Variants in STRN3 observed in about 807,000 individuals in gnomAD.
STRN3 encodes the protein striatin 3.
In STRN3, 29 loss-of-function variants were observed where a neutral mutation model predicts 95.6. That is an observed-to-expected ratio of 0.30 (90% CI 0.23 to 0.41). The LOEUF (loss-of-function observed/expected upper bound fraction) is 0.41. Ranked by LOEUF, STRN3 falls within the 10% of genes least tolerant of loss-of-function variation. STRN3 has a pLI of 1.00. For synonymous variants in STRN3, 331 were observed against 357.6 expected (o/e 0.93, Z 0.84); for missense variants, 890 against 972.1 (o/e 0.92, Z 1.12).
At chr14:30,961,865 C>G (rs1668021209) in intron 1 of STRN3, among the ~76,000 whole-genome samples, 1 of 152,212 alleles carries the variant, frequency 6.6e-6, no homozygotes. Flanking sequence ...CCTTAGCCTT[C>G]TGAGTTGCTA....
chr14:30,972,533 T>G (rs1050542203), intron 1 of STRN3, among the ~76,000 whole-genome samples: 1 of 152,146 alleles, frequency 6.6e-6, no homozygotes, highest in Non-Finnish European at 1.5e-5. Context: ...ATTCGAGTGT[T>G]ATTTCTTTTG....
intron 1 of STRN3, among the ~76,000 whole-genome samples, chr14:30,973,372 G>A (rs541431894): frequency 3.9e-4 from 59 of 150,638 alleles, no homozygotes; most frequent in Non-Finnish European, 7.1e-4. Flanking sequence ...GAGGGAGAGG[G>A]GGACAAAGAG....
intron 1 of STRN3, among the ~76,000 whole-genome samples, chr14:31,022,314 A>G (rs1258462774): frequency 1.3e-5 from 2 of 151,030 alleles, no homozygotes; most frequent in Non-Finnish European, 2.9e-5. Flanking sequence ...TGGGAGGCAG[A>G]GCTTGCAGTG....
intron 1 of STRN3, chr14:31,025,634 C>T (rs1883803175): frequency 1.9e-6 from 1 of 523,304 alleles, no homozygotes; most frequent in African/African-American, 2.0e-5. Flanking sequence ...CCGGAGGAGC[C>T]CCCGCAGACG....
rs766462002 is a variant in STRN3, at chr14:30,894,883, TTTTC to T, written c.*524_*527del. The T allele has an allele frequency of 6.0e-5, 52 of 859,602 alleles. No individual in the cohort carries two copies. The highest frequency in any genetic ancestry group is 1.9e-4 in the Admixed American group (4 of 20,948). The allele number at this position is 859,602 out of a possible 1,614,324, so 53.2% of individuals were successfully genotyped here. ...TAATGCTAAAATATTTTAAGTTAAATTTTCTTTTTCTTTTTTTTTTTTTTTAAAG... is the reference window on the plus strand; with the variant it reads ...TAATGCTAAAATATTTTAAGTTAAATTTTTTCTTTTTTTTTTTTTTTAAAG... On this transcript the variant is annotated 3_prime_UTR_variant, in exon 18 of 18. Coordinates refer to ENST00000357479, the MANE Select transcript of STRN3 (RefSeq NM_001083893.2).
In STRN3 at chr14:30,947,218, C is replaced by T. The variant is rs1879407958; in HGVS notation, c.588G>A (p.Arg196=). Residue 196 remains arginine (R), a synonymous_variant, in exon 5 of 18, where the codon CGG becomes CGA. Coordinates refer to ENST00000357479, the MANE Select transcript of STRN3 (RefSeq NM_001083893.2). ...VGYTDTILDV[R]SQRVRSLLGL... The stretch of plus-strand genomic sequence containing the variant: ...CAAGTAATGACCTTACCCGCTGAGA[C>T]CGTACATCTAATATTGTATCTGTAT... The T allele has an allele frequency of 6.2e-7, 1 of 1,610,890 alleles. No homozygotes were observed. The highest frequency in any genetic ancestry group is 1.1e-5 in the South Asian group (1 of 90,444).
chr14:30,998,523 C>T (rs1256910947), intron 1 of STRN3, among the ~76,000 whole-genome samples: 1 of 152,176 alleles, frequency 6.6e-6, no homozygotes, highest in Admixed American at 6.5e-5. Context: ...TTTGCACAGG[C>T]AGGAAGAGCT....
chr14:30,917,087 T>C (rs112950420), intron 9 of STRN3, among the ~76,000 whole-genome samples: 1 of 152,296 alleles, frequency 6.6e-6, no homozygotes, highest in African/African-American at 2.4e-5. Context: ...AAGAAGGAAG[T>C]TGGGGACTGC....
intron 1 of STRN3, among the ~76,000 whole-genome samples, chr14:30,977,100 G>A (rs1881143637): frequency 6.6e-6 from 1 of 151,738 alleles, no homozygotes; most frequent in Non-Finnish European, 1.5e-5. Context: ...GTGGTGGGTG[G>A]CTGTAATCCC....
At chr14:30,958,664 GGAAACCT>G (rs1203186125) in intron 1 of STRN3, among the ~76,000 whole-genome samples, 5 of 152,126 alleles carry the variant, frequency 3.3e-5, no homozygotes, top group African/African-American at 4.8e-5. Context: ...AAAAGCTGAA[GGAAACCT>G]GTTTTATTAT....
At chr14:30,959,903 ACTAG>A (rs2139156961) in intron 1 of STRN3, among the ~76,000 whole-genome samples, 1 of 152,358 alleles carries the variant, frequency 6.6e-6, no homozygotes, top group African/African-American at 2.4e-5. Flanking sequence ...ACCTAAACGG[ACTAG>A]CTGACTACTG....
intron 1 of STRN3, among the ~76,000 whole-genome samples, chr14:30,971,962 TTC>T (rs1186351937): frequency 2.0e-5 from 3 of 152,060 alleles, no homozygotes; most frequent in Admixed American, 6.6e-5. Flanking sequence ...AGCTTCTTCT[TTC>T]AGAAAGTCAA....
chr14:30,914,095 T>C (rs1001332983), intron 9 of STRN3, among the ~76,000 whole-genome samples: 1 of 152,202 alleles, frequency 6.6e-6, no homozygotes, highest in African/African-American at 2.4e-5. Flanking sequence ...TTTTAAATGT[T>C]AATAGGTTGT....
At chr14:30,988,491 C>T (rs1881800352) in intron 1 of STRN3, among the ~76,000 whole-genome samples, 1 of 151,978 alleles carries the variant, frequency 6.6e-6, no homozygotes, top group African/African-American at 2.4e-5. Context: ...TCTGCTGAGC[C>T]CAACTACAAC....
At chr14:30,929,967 A>AAAAAAAC (rs1878429818) in intron 7 of STRN3, among the ~76,000 whole-genome samples, 8 of 91,122 alleles carry the variant, frequency 8.8e-5, no homozygotes, top group East Asian at 6.4e-4. Context: ...AAAAAAAAAA[A>AAAAAAAC]AAAAAAAAAA....
rs558341817 is a variant in STRN3, at chr14:30,946,366, G to T, written c.716+724C>A. Among the ~76,000 whole-genome samples the T allele has an allele frequency of 5.7e-4, 87 of 151,798 alleles. 2 individuals carry two copies. The highest frequency in any genetic ancestry group is 2.0e-3 in the African/African-American group (84 of 41,392). On this transcript the variant is annotated intron_variant, in intron 5 of 17. Coordinates refer to ENST00000357479, the MANE Select transcript of STRN3 (RefSeq NM_001083893.2). ...GAGACCAGCCTGGGCAACAGAGCAA[G>T]AACCCATCTCCACAAAAAATAAAAA... is the stretch of plus-strand genomic sequence containing the variant.
intron 1 of STRN3, among the ~76,000 whole-genome samples, chr14:30,957,630 T>C (rs1436484171): frequency 6.6e-6 from 1 of 152,176 alleles, no homozygotes; most frequent in African/African-American, 2.4e-5. Context: ...ATTTTTCCAC[T>C]GTGAGAGAAT....
chr14:31,005,531 T>C (rs1028051693), intron 1 of STRN3, among the ~76,000 whole-genome samples: 2 of 152,252 alleles, frequency 1.3e-5, no homozygotes, highest in African/African-American at 4.8e-5. Flanking sequence ...TGACACAGCT[T>C]TTAGCTTAAT....
At chr14:30,898,694 A>G (rs922124187) in intron 16 of STRN3, among the ~76,000 whole-genome samples, 2 of 152,190 alleles carry the variant, frequency 1.3e-5, no homozygotes, top group African/African-American at 4.8e-5. Context: ...AGCTTCTCAC[A>G]TCTAACCAAT....
Sources: allele counts gnomAD v4.1 joint callset (sites outside exome capture counted in the v4.1 genomes callset), GRCh38; gene constraint gnomAD v4.1.1; transcripts MANE v1.5; gene names NCBI Gene and HGNC (gene_info 2026-07-23, HGNC 2026-07-21).